Variants in RHOD observed in about 807,000 individuals in gnomAD.
RHOD encodes the protein ras homolog family member D, also known as rho-related GTP-binding protein RhoD.
RHOD carries 11 observed loss-of-function variants against 16.7 expected under a neutral mutation model. The observed-to-expected ratio is 0.66, with a 90% confidence interval of 0.41 to 1.09. RHOD has a LOEUF of 1.09. Ranked by LOEUF, RHOD falls within the 50% of genes least tolerant of loss-of-function variation. RHOD has a pLI of 0.00. For missense variants in RHOD, 271 were observed against 291.7 expected (o/e 0.93, Z 0.52); for synonymous variants, 124 against 126.3 (o/e 0.98, Z 0.12).
intron 1 of RHOD, among the ~76,000 whole-genome samples, chr11:67,061,088 A>G (rs1854880907): frequency 6.6e-6 from 1 of 152,262 alleles, no homozygotes; most frequent in Non-Finnish European, 1.5e-5. Flanking sequence ...GGGAGGCCTC[A>G]GGAAACTTAC....
In RHOD at chr11:67,071,827, C is replaced by T; in HGVS notation, c.*225C>T. ...CGTCCTGCGGTGCCCGAGAATCACT[C>T]GCTAACCCCTATGCCCGGTCCCGGA... On this transcript the variant is annotated 3_prime_UTR_variant, in exon 5 of 5. Coordinates refer to ENST00000308831, the MANE Select transcript of RHOD (RefSeq NM_014578.4). 2.0e-6 allele frequency: 1 copy of T among 490,924 alleles called. No individual in the cohort carries two copies. Among genetic ancestry groups the T allele is most frequent in the Non-Finnish European group, 3.6e-6 (1 of 281,186 alleles). The allele number at this position is 490,924 out of a possible 1,614,324, so 30.4% of individuals were successfully genotyped here.
At position 67,070,274 on chromosome 11, in the gene RHOD, T is replaced by G. The variant is rs1371449763; in HGVS notation, c.331-151T>G. On this transcript the variant is annotated intron_variant, in intron 3 of 4. Transcript: ENST00000308831. ...ATACGTGTAAATTCTTAGATGAGGT[T>G]CTGGTACCAAATAGTTTCTCCCTAG... 1.6e-5 allele frequency: 13 copies of G among 831,936 alleles called. No homozygotes were observed. In the South Asian group the frequency reaches 1.9e-4, roughly 12 times the overall value. 51.5% of individuals were successfully genotyped at this position (831,936 alleles called of 1,614,324 possible).
chr11:67,066,064 TC>T (rs1761968731), intron 2 of RHOD, 81 bp downstream of exon 2: 5 of 1,182,026 alleles, frequency 4.2e-6, no homozygotes, highest in Non-Finnish European at 6.1e-6. Context: ...TCTGCTTCCT[TC>T]TGAACCAGGG....
chr11:67,065,876 C>T lies in RHOD; in HGVS notation c.133-20C>T, dbSNP rs139128390. Reference sequence around the variant, plus strand: ...TCTCCGAAGCCTCCTCACACCCTCCCCCGCCCTGCTTCTCCTCAGAGCTAC... The same window carrying T: ...TCTCCGAAGCCTCCTCACACCCTCCTCCGCCCTGCTTCTCCTCAGAGCTAC... On this transcript the variant is annotated intron_variant, in intron 1 of 4. Transcript: ENST00000308831. 8.1e-6 allele frequency: 13 copies of T among 1,595,252 alleles called. No individual in the cohort carries two copies. In the Admixed American group the frequency reaches 1.2e-4, roughly 14 times the overall value.
Position 67,056,893 on chromosome 11 carries a change from C to G in RHOD, c.-10C>G. ...GCCGCCCGCCCGCCCGCTCAGCGCC[C>G]GGCCCCGGGATGACGGCGGCCCAGG... On this transcript the variant is annotated 5_prime_UTR_variant, in exon 1 of 5. Transcript: ENST00000308831. 7.1e-7 allele frequency: 1 copy of G among 1,412,054 alleles called. No individual in the cohort carries two copies. Among genetic ancestry groups the G allele is most frequent in the Non-Finnish European group, 9.1e-7 (1 of 1,093,150 alleles). 87.5% of individuals were successfully genotyped at this position (1,412,054 alleles called of 1,614,324 possible).
At chr11:67,068,604 T>C (rs1012577687) in intron 3 of RHOD, among the ~76,000 whole-genome samples, 3 of 152,014 alleles carry the variant, frequency 2.0e-5, no homozygotes, top group African/African-American at 7.3e-5. Context: ...TTTGAGGAGT[T>C]TGAGACCAGC....
At chr11:67,066,717 G>T in intron 2 of RHOD, 21 bp from the exon 3 acceptor site, 1 of 1,508,630 alleles carries the variant, frequency 6.6e-7, no homozygotes, top group South Asian at 1.1e-5. Context: ...TGAAGGCAGT[G>T]ACCACCTCCA....
chr11:67,056,891 C>G lies in RHOD; in HGVS notation c.-12C>G, dbSNP rs1043463100. Reference sequence around the variant, plus strand: ...CAGCCGCCCGCCCGCCCGCTCAGCGCCCGGCCCCGGGATGACGGCGGCCCA... The same window carrying G: ...CAGCCGCCCGCCCGCCCGCTCAGCGGCCGGCCCCGGGATGACGGCGGCCCA... On this transcript the variant is annotated 5_prime_UTR_variant, in exon 1 of 5. Coordinates refer to ENST00000308831, the MANE Select transcript of RHOD (RefSeq NM_014578.4). 1.1e-5 allele frequency: 16 copies of G among 1,409,898 alleles called. No individual in the cohort carries two copies. Among genetic ancestry groups the G allele is most frequent in the Non-Finnish European group, 1.5e-5 (16 of 1,092,170 alleles). The allele number at this position is 1,409,898 out of a possible 1,614,324, so 87.3% of individuals were successfully genotyped here.
intron 1 of RHOD, among the ~76,000 whole-genome samples, chr11:67,057,832 G>A (rs970469364): frequency 6.6e-6 from 1 of 152,168 alleles, no homozygotes; most frequent in African/African-American, 2.4e-5. Context: ...TGCGGTAGCT[G>A]GCATGTCCTT....
chr11:67,059,022 G>A (rs1854853917), intron 1 of RHOD, among the ~76,000 whole-genome samples: 1 of 152,194 alleles, frequency 6.6e-6, no homozygotes, highest in South Asian at 2.1e-4. Context: ...CACCAGCTCT[G>A]AGATGTCCTT....
At position 67,059,549 on chromosome 11, in the gene RHOD, T is replaced by A. The variant is rs990311102; in HGVS notation, c.132+2515T>A. Among the ~76,000 whole-genome samples the A allele has an allele frequency of 3.4e-5, 5 of 147,742 alleles. No homozygotes were observed. The South Asian group carries it at 6.3e-4, about 19-fold the overall frequency. ...AACAGAGCGAGACTCCGTCTCAAAATATATATAAATATATATATATATATG... is the reference window on the plus strand; with the variant it reads ...AACAGAGCGAGACTCCGTCTCAAAAAATATATAAATATATATATATATATG... On this transcript the variant is annotated intron_variant, in intron 1 of 4. Coordinates refer to ENST00000308831, the MANE Select transcript of RHOD (RefSeq NM_014578.4).
chr11:67,063,079 C>A (rs972545506), intron 1 of RHOD, among the ~76,000 whole-genome samples: 1 of 136,268 alleles, frequency 7.3e-6, no homozygotes, highest in African/African-American at 2.4e-5. Flanking sequence ...CCAGGCAGGA[C>A]AAAGAAGAAA....
At chr11:67,067,744 T>G (rs1364975634) in intron 3 of RHOD, among the ~76,000 whole-genome samples, 1 of 152,126 alleles carries the variant, frequency 6.6e-6, no homozygotes, top group African/African-American at 2.4e-5. Context: ...CGGAGTTTGC[T>G]GATGATCAGA....
chr11:67,070,562 A>G lies in RHOD; in HGVS notation c.465+3A>G, dbSNP rs1024356823. ...TGGAGCCTGTGACCTACCACAGGGT[A>G]GGAAACCCAGCCCGAGGTGGGAGTT... is the stretch of plus-strand genomic sequence containing the variant. On this transcript the variant is annotated splice_donor_region_variant and intron_variant, in intron 4 of 4. Transcript: ENST00000308831. 3 of 1,613,978 alleles carry G rather than the reference A, an allele frequency of 1.9e-6. No individual in the cohort carries two copies. The highest frequency in any genetic ancestry group is 1.7e-5 in the Admixed American group (1 of 60,024).
chr11:67,066,447 C>G (rs1337742352), intron 2 of RHOD, among the ~76,000 whole-genome samples: 1 of 152,218 alleles, frequency 6.6e-6, no homozygotes, highest in Non-Finnish European at 1.5e-5. Context: ...AAGCTCAGGG[C>G]AAAGCTGGCT....
chr11:67,056,982 G>T lies in RHOD; in HGVS notation c.80G>T (p.Gly27Val). ...SVKVVLVGDG[G>V]CGKTSLLMVF... is the part of the protein sequence containing the mutation. ...AAGGTGGTCCTGGTGGGCGACGGCG[G>T]CTGCGGGAAGACGTCGCTGCTGATG... Residue 27 changes from glycine to valine, a missense_variant, in exon 1 of 5, where the codon GGC becomes GTC. Physicochemically the swap from Gly to Val is moderately radical, Grantham distance 109 (BLOSUM62 -3). Coordinates refer to ENST00000308831, the MANE Select transcript of RHOD (RefSeq NM_014578.4). The T allele has an allele frequency of 6.6e-7, 1 of 1,509,414 alleles. No homozygotes were observed. 93.5% of individuals were successfully genotyped at this position (1,509,414 alleles called of 1,614,324 possible). A position where few individuals can be genotyped will look rare whatever the true frequency, so the allele number is the denominator to read the frequency against.
intron 1 of RHOD, among the ~76,000 whole-genome samples, chr11:67,062,712 A>G (rs1357562305): frequency 6.6e-6 from 1 of 152,190 alleles, no homozygotes; most frequent in Non-Finnish European, 1.5e-5. Flanking sequence ...GCCAGCGGGC[A>G]GGCAGGCGTG....
chr11:67,065,450 G>A (rs572841360), intron 1 of RHOD, among the ~76,000 whole-genome samples: 3 of 152,132 alleles, frequency 2.0e-5, no homozygotes, highest in Admixed American at 6.6e-5. Flanking sequence ...GTGCGATCTC[G>A]TCTCACTGCA....
intron 3 of RHOD, among the ~76,000 whole-genome samples, chr11:67,069,350 G>A (rs1854996338): frequency 6.6e-6 from 1 of 151,658 alleles, no homozygotes; most frequent in Non-Finnish European, 1.5e-5. Context: ...CATTTTGTGA[G>A]CAGATTTATT....
Sources: allele counts gnomAD v4.1 joint callset (sites outside exome capture counted in the v4.1 genomes callset), GRCh38; gene constraint gnomAD v4.1.1; transcripts MANE v1.5; gene names NCBI Gene and HGNC (gene_info 2026-07-23, HGNC 2026-07-21).